FRMD4B: variants seen among roughly 807,000 people sequenced by gnomAD.
FRMD4B encodes FERM domain-containing protein 4B.
Under a neutral mutation model 141.5 loss-of-function variants are expected in FRMD4B, and 74 were observed. That is an observed-to-expected ratio of 0.52 (90% CI 0.43 to 0.63). The LOEUF is 0.63. Among genes scored for constraint, FRMD4B ranks in the 30% least tolerant of loss-of-function variants. The pLI is 0.00. For missense variants in FRMD4B, 1,366 were observed against 1,253.4 expected, an observed-to-expected ratio of 1.09 and a Z score of -1.36; for synonymous variants, 506 against 467.9, an observed-to-expected ratio of 1.08 and a Z score of -1.05.
chr3:69,350,239 G>A (rs1703092044), intron 1 of FRMD4B, among the ~76,000 whole-genome samples: 1 of 152,180 alleles, frequency 6.6e-6, no homozygotes, highest in South Asian at 2.1e-4. Flanking sequence ...ATCATCACTG[G>A]CCATCAGAGA....
At chr3:69,446,745 A>T (rs1705416563) in intron 1 of FRMD4B, among the ~76,000 whole-genome samples, 1 of 152,006 alleles carries the variant, frequency 6.6e-6, no homozygotes, top group Non-Finnish European at 1.5e-5. Flanking sequence ...CACATATCTC[A>T]CTCTCTGTGA....
intron 1 of FRMD4B, among the ~76,000 whole-genome samples, chr3:69,373,245 A>G (rs9985329): frequency 0.85 from 128,654 of 152,246 alleles, 54,489 homozygotes; most frequent in East Asian, 0.96. Context: ...TATCAAATCC[A>G]GCTATGTTTA....
Position 69,363,231 on chromosome 3 carries a change from T to C in FRMD4B, c.162+22597A>G, listed in dbSNP as rs1408657810. ...CACATCTCCACTCCAAAAAAAAGGA[T>C]CACTTCTTTTTACCATGTTTTTTTT... On this transcript the variant is annotated intron_variant, in intron 1 of 22. Transcript: ENST00000398540. 2.8e-5 allele frequency among the ~76,000 whole-genome samples: 4 copies of C among 144,544 alleles called. No individual in the cohort carries two copies. In the Admixed American group the frequency reaches 3.0e-4, roughly 11 times the overall value. 94.8% of individuals were successfully genotyped at this position (144,544 alleles called of 152,430 possible).
intron 1 of FRMD4B, among the ~76,000 whole-genome samples, chr3:69,342,173 T>C (rs953489420): frequency 6.6e-6 from 1 of 152,312 alleles, no homozygotes; most frequent in South Asian, 2.1e-4. Flanking sequence ...GATCTAGATT[T>C]GTATTGGGTC....
intron 2 of FRMD4B, among the ~76,000 whole-genome samples, chr3:69,395,740 GC>G (rs1222530770): frequency 2.0e-5 from 3 of 152,180 alleles, no homozygotes; most frequent in Admixed American, 6.5e-5. Context: ...AGAAGAGCAA[GC>G]AGCAGGAAGC....
At chr3:69,344,574 A>G (rs569621957) in intron 1 of FRMD4B, among the ~76,000 whole-genome samples, 12 of 152,332 alleles carry the variant, frequency 7.9e-5, no homozygotes, top group Admixed American at 2.0e-4. Flanking sequence ...TTCCAAGACC[A>G]CATAGCTTGT....
rs563874876 is a variant in FRMD4B, at chr3:69,485,594, C to T, written c.-128-52833G>A. On this transcript the variant is annotated intron_variant, in intron 1 of 5. Coordinates refer to the FRMD4B transcript ENST00000459638. ...CCCCACCAACTTGGAAGGGGTAGGGCTCCCGCTTGTCCCTGGTTCCCGCTG... is the reference window on the plus strand; with the variant it reads ...CCCCACCAACTTGGAAGGGGTAGGGTTCCCGCTTGTCCCTGGTTCCCGCTG... 2.0e-5 allele frequency among the ~76,000 whole-genome samples: 3 copies of T among 152,342 alleles called. No homozygotes were observed. The East Asian group carries it at 5.8e-4, about 29-fold the overall frequency.
intron 1 of FRMD4B, among the ~76,000 whole-genome samples, chr3:69,497,992 G>A (rs1706430266): frequency 6.6e-6 from 1 of 152,186 alleles, no homozygotes; most frequent in Non-Finnish European, 1.5e-5. Context: ...ATTCTGGGGA[G>A]GCTGTTAAGA....
intron 1 of FRMD4B, chr3:69,536,571 C>A (rs144697061): frequency 4.2e-6 from 3 of 719,180 alleles, no homozygotes; most frequent in Non-Finnish European, 5.1e-6. Context: ...GGGCAGGAGG[C>A]GGCATGCCAC....
At chr3:69,202,748 A>G (rs1389260387) in intron 11 of FRMD4B, among the ~76,000 whole-genome samples, 1 of 152,222 alleles carries the variant, frequency 6.6e-6, no homozygotes, top group African/African-American at 2.4e-5. Flanking sequence ...TTTCTGCTCT[A>G]CACTCATCTT....
chr3:69,400,480 A>C (rs1334472634), intron 2 of FRMD4B, among the ~76,000 whole-genome samples: 1 of 152,186 alleles, frequency 6.6e-6, no homozygotes, highest in Admixed American at 6.5e-5. Context: ...GTCTGGAAGC[A>C]TTTTCCAAGG....
intron 1 of FRMD4B, among the ~76,000 whole-genome samples, chr3:69,520,019 T>TATATAC (rs1700826566): frequency 8.0e-6 from 1 of 124,416 alleles, no homozygotes; most frequent in Admixed American, 7.7e-5. Flanking sequence ...TATATATATA[T>TATATAC]ATATATTCCA....
chr3:69,461,973 C>G (rs1575810685), intron 1 of FRMD4B, among the ~76,000 whole-genome samples: 1 of 152,212 alleles, frequency 6.6e-6, no homozygotes, highest in South Asian at 2.1e-4. Flanking sequence ...CAGGCCTGCT[C>G]TGGGGGCCTT....
chr3:69,218,505 C>G (rs138745268), intron 9 of FRMD4B, 126 bp from the exon 10 acceptor site: 3 of 560,602 alleles, frequency 5.4e-6, no homozygotes, highest in Non-Finnish European at 9.5e-6. Flanking sequence ...ATGTTTCACT[C>G]AAGTAGAAAC....
At position 69,368,028 on chromosome 3, in the gene FRMD4B, T is replaced by G. The variant is rs1446798988; in HGVS notation, c.162+17800A>C. Among the ~76,000 whole-genome samples the G allele has an allele frequency of 2.0e-5, 3 of 152,392 alleles. No individual in the cohort carries two copies. The East Asian group carries it at 5.8e-4, about 29-fold the overall frequency. ...GTAAAACATGTTATAGTCCCATTTC[T>G]GGGATGCTTTTCCTTCTCTCTTTTT... On this transcript the variant is annotated intron_variant, in intron 1 of 22. Transcript: ENST00000398540.
intron 5 of FRMD4B, among the ~76,000 whole-genome samples, chr3:69,277,905 G>A (rs1467805926): frequency 1.3e-5 from 2 of 149,276 alleles, no homozygotes; most frequent in East Asian, 4.0e-4. Context: ...TCCCAGGCTG[G>A]AGTACAGTGG....
chr3:69,210,289 A>G (rs931020749), intron 11 of FRMD4B, among the ~76,000 whole-genome samples: 1 of 152,230 alleles, frequency 6.6e-6, no homozygotes, highest in Non-Finnish European at 1.5e-5. Flanking sequence ...TGCCGAAGGG[A>G]TACAAATCTG....
At chr3:69,207,547 T>C (rs35461234) in intron 11 of FRMD4B, among the ~76,000 whole-genome samples, 13,336 of 151,812 alleles carry the variant, frequency 0.088, 590 homozygotes, top group Middle Eastern at 0.12. Context: ...CCGTGGCTCA[T>C]GCCTGTAATC....
At chr3:69,183,955 G>C (rs1232628054) in intron 19 of FRMD4B, among the ~76,000 whole-genome samples, 1 of 152,050 alleles carries the variant, frequency 6.6e-6, no homozygotes, top group East Asian at 1.9e-4. Flanking sequence ...GAGGAGAGTG[G>C]CACAATCTCA....
Sources: allele counts gnomAD v4.1 joint callset (sites outside exome capture counted in the v4.1 genomes callset), GRCh38; gene constraint gnomAD v4.1.1; transcripts MANE v1.5; gene names NCBI Gene and HGNC (gene_info 2026-07-23, HGNC 2026-07-21).